PRH1: variants seen among roughly 807,000 people sequenced by gnomAD.
PRH1 encodes proline rich protein HaeIII subfamily 1.
PRH1 carries 7 observed loss-of-function variants against 7.9 expected under a neutral mutation model. That is an observed-to-expected ratio of 0.89 (90% CI 0.50 to 1.67). PRH1 has a LOEUF of 1.67. PRH1 is among the 40% of genes most tolerant of loss of function. PRH1 has a pLI of 0.00. For missense variants in PRH1, 109 were observed against 223.6 expected (o/e 0.49, Z 3.27); for synonymous variants, 45 against 80.8 (o/e 0.56, Z 2.38).
intron 1 of PRH1, chr12:11,061,820 C>T: frequency 1.2e-6 from 2 of 1,614,166 alleles, no homozygotes; most frequent in Non-Finnish European, 1.7e-6. Context: ...ATGTTTCCTT[C>T]ATATTCTTTT....
chr12:11,093,345 T>C (rs1944987952), intron 1 of PRH1, among the ~76,000 whole-genome samples: 1 of 116,294 alleles, frequency 8.6e-6, no homozygotes, highest in South Asian at 2.4e-4. Context: ...TTGCTGCTAA[T>C]ACTTTCGTAT....
intron 1 of PRH1, among the ~76,000 whole-genome samples, chr12:11,068,790 T>A (rs1455296280): frequency 2.6e-5 from 4 of 152,228 alleles, no homozygotes; most frequent in African/African-American, 7.2e-5. Flanking sequence ...ATATGTATAA[T>A]GCTATTTTAA....
intron 1 of PRH1, chr12:11,022,316 T>C (rs775981266): frequency 2.5e-6 from 4 of 1,614,182 alleles, no homozygotes; most frequent in African/African-American, 2.7e-5. Flanking sequence ...GCCCAGGCAT[T>C]AGAAGCAACA....
chr12:11,003,064 A>T (rs1940666643), intron 1 of PRH1, among the ~76,000 whole-genome samples: 1 of 152,000 alleles, frequency 6.6e-6, no homozygotes, highest in Non-Finnish European at 1.5e-5. Context: ...GTTGTTCAAA[A>T]TCTATTGTTT....
intron 1 of PRH1, among the ~76,000 whole-genome samples, chr12:11,152,416 T>G (rs1947127895): frequency 6.6e-6 from 1 of 152,146 alleles, no homozygotes; most frequent in Non-Finnish European, 1.5e-5. Context: ...TAATCTATAC[T>G]TTTTAGAAAA....
chr12:10,989,343 T>C (rs1939809999), intron 1 of PRH1, among the ~76,000 whole-genome samples: 1 of 152,208 alleles, frequency 6.6e-6, no homozygotes, highest in African/African-American at 2.4e-5. Flanking sequence ...TAATGATTCA[T>C]TCATCTTTAG....
chr12:10,940,585 A>AT (rs34125160), intron 2 of PRH1, among the ~76,000 whole-genome samples: 169 of 152,020 alleles, frequency 1.1e-3, no homozygotes, highest in African/African-American at 4.0e-3. Context: ...ATACCTTCAC[A>AT]TTTTTTTCAC....
chr12:10,898,797 G>C (rs1170032591), intron 2 of PRH1, among the ~76,000 whole-genome samples: 1 of 152,162 alleles, frequency 6.6e-6, no homozygotes, highest in Non-Finnish European at 1.5e-5. Context: ...TCCATGTTTT[G>C]TCTGGGTAAA....
At chr12:10,910,156 T>C (rs910144148) in intron 2 of PRH1, among the ~76,000 whole-genome samples, 2 of 152,208 alleles carry the variant, frequency 1.3e-5, no homozygotes, top group Admixed American at 1.3e-4. Flanking sequence ...ATGAGGCCTA[T>C]GTCCCAAGAC....
At chr12:10,987,942 A>C (rs1939734106) in intron 1 of PRH1, among the ~76,000 whole-genome samples, 1 of 152,116 alleles carries the variant, frequency 6.6e-6, no homozygotes, top group African/African-American at 2.4e-5. Context: ...GATGAACAGA[A>C]AATTGGTAGA....
chr12:11,125,210 A>G (rs1027199209), intron 1 of PRH1, among the ~76,000 whole-genome samples: 18 of 152,298 alleles, frequency 1.2e-4, no homozygotes, highest in Non-Finnish European at 7.3e-5. Flanking sequence ...GTCAAGAATA[A>G]TACAAAACCG....
intron 1 of PRH1, among the ~76,000 whole-genome samples, chr12:11,046,307 C>G (rs1942896085): frequency 6.6e-6 from 1 of 152,010 alleles, no homozygotes; most frequent in Non-Finnish European, 1.5e-5. Context: ...TAACTGAAAT[C>G]TCAATTTAAT....
At chr12:10,893,967 C>T (rs1016711279) in intron 2 of PRH1, among the ~76,000 whole-genome samples, 16 of 152,160 alleles carry the variant, frequency 1.1e-4, no homozygotes, top group Admixed American at 1.3e-4. Context: ...TAAGAGGAGA[C>T]GTTCTTATTA....
chr12:10,999,984 T>C (rs1940505176), intron 1 of PRH1, among the ~76,000 whole-genome samples: 1 of 152,146 alleles, frequency 6.6e-6, no homozygotes. Context: ...TTAGTTAATA[T>C]ATATTTGGGC....
intron 2 of PRH1, among the ~76,000 whole-genome samples, chr12:10,909,887 C>T (rs1050943302): frequency 2.0e-5 from 3 of 152,136 alleles, no homozygotes; most frequent in African/African-American, 4.8e-5. Context: ...AAGAGAAACT[C>T]GTTTACAAAG....
At chr12:11,118,663 A>T (rs927170894), downstream of PRH1, among the ~76,000 whole-genome samples, 5 of 152,170 alleles carry the variant, frequency 3.3e-5, no homozygotes, top group Non-Finnish European at 5.9e-5. Context: ...AAGATTTGGA[A>T]GCAATCAAAG....
chr12:11,033,020 T>C (rs906090785), intron 1 of PRH1, among the ~76,000 whole-genome samples: 2 of 152,128 alleles, frequency 1.3e-5, no homozygotes, highest in East Asian at 1.9e-4. Flanking sequence ...CCAGATTAAA[T>C]TGGCAAAACT....
intron 2 of PRH1, among the ~76,000 whole-genome samples, chr12:10,941,899 TG>T (rs1227192678): frequency 6.6e-6 from 1 of 152,222 alleles, no homozygotes; most frequent in African/African-American, 2.4e-5. Flanking sequence ...TAGACTTTTT[TG>T]TTCCAGAGGG....
intron 1 of PRH1, among the ~76,000 whole-genome samples, chr12:11,160,275 A>C (rs776657034): frequency 6.6e-6 from 1 of 152,220 alleles, no homozygotes; most frequent in Non-Finnish European, 1.5e-5. Context: ...AAAATTATTC[A>C]TAATTCAAGA....
Sources: allele counts gnomAD v4.1 joint callset (sites outside exome capture counted in the v4.1 genomes callset), GRCh38; gene constraint gnomAD v4.1.1; transcripts MANE v1.5; gene names NCBI Gene and HGNC (gene_info 2026-07-23, HGNC 2026-07-21).